Variants in FRMPD4 observed in about 807,000 individuals in gnomAD.
FRMPD4 encodes the protein FERM and PDZ domain containing 4, also known as FERM and PDZ domain-containing protein 4.
In FRMPD4, 22 loss-of-function variants were observed where a neutral mutation model predicts 94.1. The ratio of observed to expected loss-of-function variants is 0.23; its 90% CI spans 0.17 to 0.33. The LOEUF (loss-of-function observed/expected upper bound fraction) is 0.33, where lower values mean the gene tolerates loss of function less well. Among genes scored for constraint, FRMPD4 ranks in the 10% least tolerant of loss-of-function variants. FRMPD4 has a pLI of 1.00. For synonymous variants in FRMPD4, 631 were observed against 548.6 expected, an observed-to-expected ratio of 1.15 and a Z score of -2.10; for missense variants, 1,111 against 1,339.9, an observed-to-expected ratio of 0.83 and a Z score of 2.67.
At chrX:11,827,423 G>A (rs1386726559) in intron 1 of FRMPD4, among the ~76,000 whole-genome samples, 1 of 110,518 alleles carries the variant, frequency 9.0e-6, no homozygotes, top group Non-Finnish European at 1.9e-5. Context: ...TCATTTCATA[G>A]CAAAGGGTAG....
At chrX:12,133,841 A>G (rs2055574651), upstream of FRMPD4, among the ~76,000 whole-genome samples, 1 of 111,804 alleles carries the variant, frequency 8.9e-6, no homozygotes, top group African/African-American at 3.3e-5. Context: ...CATTCAAAAC[A>G]TAAGTCAGAT....
At chrX:12,568,131 G>A (rs2058730317) in intron 2 of FRMPD4, among the ~76,000 whole-genome samples, 1 of 111,022 alleles carries the variant, frequency 9.0e-6, no homozygotes, top group South Asian at 3.8e-4. Context: ...GCAAGAAAAC[G>A]CTAACAGTAG....
At chrX:12,435,674 C>G (rs1271175987) in intron 1 of FRMPD4, among the ~76,000 whole-genome samples, 1 of 111,431 alleles carries the variant, frequency 9.0e-6, no homozygotes, top group South Asian at 3.8e-4. Context: ...TCCTATTTGT[C>G]TTCGATTTTG....
intron 1 of FRMPD4, among the ~76,000 whole-genome samples, chrX:12,414,701 A>G (rs2056776691): frequency 8.9e-6 from 1 of 111,843 alleles, no homozygotes; most frequent in Non-Finnish European, 1.9e-5. Flanking sequence ...AAAAATAATG[A>G]AAGAGCAACT....
chrX:12,363,646 A>ACAG (rs2147995276), intron 1 of FRMPD4, among the ~76,000 whole-genome samples: 1 of 112,723 alleles, frequency 8.9e-6, no homozygotes, highest in African/African-American at 3.2e-5. Context: ...GGTACATAGT[A>ACAG]TTCCACAAGT....
intron 1 of FRMPD4, among the ~76,000 whole-genome samples, chrX:12,411,931 T>C (rs2056737262): frequency 1.8e-5 from 2 of 111,632 alleles, no homozygotes; most frequent in Non-Finnish European, 3.8e-5. Context: ...TACAGTCTTT[T>C]ACTTGGGCAA....
At chrX:11,828,520 T>A (rs1294254773) in intron 1 of FRMPD4, among the ~76,000 whole-genome samples, 2 of 112,230 alleles carry the variant, frequency 1.8e-5, no homozygotes, top group Admixed American at 9.5e-5. Flanking sequence ...AATTCAAATA[T>A]ATTCAGAACT....
chrX:12,237,162 TGAATAAA>T (rs755627830), intron 1 of FRMPD4, among the ~76,000 whole-genome samples: 48 of 112,636 alleles, frequency 4.3e-4, no homozygotes, highest in Non-Finnish European at 7.9e-4. Context: ...TGGGTTTAAT[TGAATAAA>T]AAATAATGTT....
At chrX:12,243,557 G>A (rs1167246216) in intron 1 of FRMPD4, among the ~76,000 whole-genome samples, 1 of 110,895 alleles carries the variant, frequency 9.0e-6, no homozygotes, top group Non-Finnish European at 1.9e-5. Flanking sequence ...TAAAGTTTCG[G>A]GGCATCTCTA....
chrX:12,096,568 C>T (rs2055204521), intron 3 of FRMPD4, among the ~76,000 whole-genome samples: 1 of 111,892 alleles, frequency 8.9e-6, no homozygotes, highest in African/African-American at 3.3e-5. Flanking sequence ...CTGGAATTTT[C>T]CCTCCAGCTT....
At chrX:11,943,668 C>G (rs2054174389) in intron 3 of FRMPD4, among the ~76,000 whole-genome samples, 2 of 111,631 alleles carry the variant, frequency 1.8e-5, no homozygotes, top group African/African-American at 6.5e-5. Context: ...GGTCTCACTA[C>G]CCAACAATGT....
chrX:12,412,443 G>A (rs914018395), intron 1 of FRMPD4, among the ~76,000 whole-genome samples: 2 of 112,492 alleles, frequency 1.8e-5, no homozygotes, highest in African/African-American at 6.5e-5. Flanking sequence ...AGCAGCTTGA[G>A]AAGAGGACAT....
intron 1 of FRMPD4, among the ~76,000 whole-genome samples, chrX:12,305,956 T>C (rs2054934195): frequency 9.3e-6 from 1 of 107,468 alleles, no homozygotes; most frequent in African/African-American, 3.4e-5. Context: ...CATGGATAAT[T>C]TCAAGAGAGT....
intron 1 of FRMPD4, among the ~76,000 whole-genome samples, chrX:12,202,721 C>T (rs2056645136): frequency 8.9e-6 from 1 of 112,123 alleles, no homozygotes; most frequent in African/African-American, 3.2e-5. Flanking sequence ...TGAGGTCATA[C>T]TGGATTAAGG....
At chrX:12,469,657 T>C (rs1349226094) in intron 1 of FRMPD4, among the ~76,000 whole-genome samples, 1 of 112,272 alleles carries the variant, frequency 8.9e-6, no homozygotes, top group Non-Finnish European at 1.9e-5. Flanking sequence ...GCTTTTATAA[T>C]TACCTTCTTG....
intron 3 of FRMPD4, among the ~76,000 whole-genome samples, chrX:12,060,341 A>T (rs1390524916): frequency 4.8e-5 from 4 of 83,647 alleles, no homozygotes; most frequent in African/African-American, 1.4e-4. Flanking sequence ...TGTGGTTTTT[A>T]TTTGCATTTC....
chrX:12,006,917 A>C (rs1051318787), intron 3 of FRMPD4, among the ~76,000 whole-genome samples: 1 of 111,679 alleles, frequency 9.0e-6, no homozygotes, highest in Admixed American at 9.5e-5. Context: ...AGGGTATATG[A>C]GTCCAGGTCA....
At chrX:12,034,442 A>T (rs779503002) in intron 3 of FRMPD4, among the ~76,000 whole-genome samples, 73 of 112,160 alleles carry the variant, frequency 6.5e-4, no homozygotes, top group African/African-American at 2.3e-3. Flanking sequence ...CCTTTTGCTT[A>T]TCCTTCATTA....
chrX:12,550,810 G>A (rs1005931952), intron 2 of FRMPD4, among the ~76,000 whole-genome samples: 6 of 92,165 alleles, frequency 6.5e-5, no homozygotes, highest in Non-Finnish European at 1.3e-4. Context: ...GTACATCTAT[G>A]TGTACTTACT....
Sources: allele counts gnomAD v4.1 joint callset (sites outside exome capture counted in the v4.1 genomes callset), GRCh38; gene constraint gnomAD v4.1.1; transcripts MANE v1.5; gene names NCBI Gene and HGNC (gene_info 2026-07-23, HGNC 2026-07-21).